TDRD3: variants seen among roughly 807,000 people sequenced by gnomAD.
The protein encoded by TDRD3 is tudor domain-containing protein 3.
In TDRD3, 45 loss-of-function variants were observed where a neutral mutation model predicts 86.7. The ratio of observed to expected loss-of-function variants is 0.52; its 90% CI spans 0.41 to 0.67. TDRD3 has a LOEUF of 0.67. Ranked by LOEUF, TDRD3 falls within the 30% of genes least tolerant of loss-of-function variation. The probability of loss-of-function intolerance (pLI) is 0.00; values close to 1 mark genes in which losing one functional copy is unlikely to be tolerated. For synonymous variants in TDRD3, 298 were observed against 301.7 expected (o/e 0.99, Z 0.13); for missense variants, 814 against 889.0 (o/e 0.92, Z 1.07).
chr13:60,527,579 A>G (rs1039651402), intron 10 of TDRD3, among the ~76,000 whole-genome samples: 6 of 152,254 alleles, frequency 3.9e-5, no homozygotes, highest in Non-Finnish European at 8.8e-5. Flanking sequence ...GAAAGTATAA[A>G]TGACATGGTA....
At chr13:60,545,413 T>C (rs1440478902) in intron 12 of TDRD3, among the ~76,000 whole-genome samples, 2 of 152,188 alleles carry the variant, frequency 1.3e-5, no homozygotes, top group African/African-American at 2.4e-5. Context: ...ATTAGGAAAT[T>C]AGGGTCAACC....
At chr13:60,490,635 A>G (rs1956565708) in intron 7 of TDRD3, among the ~76,000 whole-genome samples, 1 of 152,194 alleles carries the variant, frequency 6.6e-6, no homozygotes, top group African/African-American at 2.4e-5. Flanking sequence ...ACTTGGTTGC[A>G]GAGAAGGAGA....
intron 3 of TDRD3, among the ~76,000 whole-genome samples, chr13:60,458,483 T>C (rs960834516): frequency 2.6e-5 from 4 of 152,192 alleles, no homozygotes; most frequent in Non-Finnish European, 5.9e-5. Context: ...ATGGATTGAA[T>C]AAGGGTGCCA....
At chr13:60,444,156 T>G (rs1357247818) in intron 2 of TDRD3, among the ~76,000 whole-genome samples, 1 of 151,974 alleles carries the variant, frequency 6.6e-6, no homozygotes, top group Non-Finnish European at 1.5e-5. Flanking sequence ...GCAAATGAAA[T>G]TACTATAGTA....
At chr13:60,497,805 C>G (rs185805115) in intron 8 of TDRD3, among the ~76,000 whole-genome samples, 1 of 151,940 alleles carries the variant, frequency 6.6e-6, no homozygotes. Flanking sequence ...ACAGCTTCCC[C>G]ATCCCCAGTA....
intron 12 of TDRD3, chr13:60,537,515 G>A (rs756387404): frequency 9.2e-5 from 14 of 151,806 alleles, no homozygotes; most frequent in Non-Finnish European, 2.1e-4. Flanking sequence ...TTAATGTTGG[G>A]GTCTTTGAGT....
At chr13:60,483,715 A>T (rs1283859330) in intron 5 of TDRD3, 60 bp from the exon 6 acceptor site, 2 of 1,492,756 alleles carry the variant, frequency 1.3e-6, no homozygotes, top group African/African-American at 1.4e-5. Flanking sequence ...TTACATTATA[A>T]ATGCTGGAAA....
At chr13:60,466,052 G>C (rs1049100973) in intron 4 of TDRD3, among the ~76,000 whole-genome samples, 1 of 152,124 alleles carries the variant, frequency 6.6e-6, no homozygotes, top group Non-Finnish European at 1.5e-5. Context: ...CCCCAAATCT[G>C]ATAGCCTACT....
At chr13:60,490,372 T>C (rs959776153) in intron 7 of TDRD3, among the ~76,000 whole-genome samples, 2 of 152,128 alleles carry the variant, frequency 1.3e-5, no homozygotes, top group Non-Finnish European at 2.9e-5. Context: ...GGAAAAGCCA[T>C]GGCAAAGGCT....
intron 1 of TDRD3, among the ~76,000 whole-genome samples, chr13:60,412,029 C>G (rs1954380617): frequency 6.6e-6 from 1 of 152,154 alleles, no homozygotes; most frequent in East Asian, 1.9e-4. Context: ...TTTCTAAGAA[C>G]TTTAATCTGA....
At chr13:60,484,108 A>G (rs546883028) in intron 6 of TDRD3, among the ~76,000 whole-genome samples, 3 of 148,618 alleles carry the variant, frequency 2.0e-5, no homozygotes, top group East Asian at 3.9e-4. Context: ...TTAAAATAGG[A>G]TGGGAGAGGG....
intron 12 of TDRD3, among the ~76,000 whole-genome samples, chr13:60,552,457 A>C (rs1251957736): frequency 6.6e-6 from 1 of 152,228 alleles, no homozygotes; most frequent in Non-Finnish European, 1.5e-5. Context: ...TGCAGGGTGC[A>C]GCCCTTATGA....
At chr13:60,466,840 C>T (rs1332299135) in intron 4 of TDRD3, among the ~76,000 whole-genome samples, 1 of 151,888 alleles carries the variant, frequency 6.6e-6, no homozygotes, top group Non-Finnish European at 1.5e-5. Flanking sequence ...CACTTCCTCT[C>T]TGGTGGTCTA....
intron 1 of TDRD3, among the ~76,000 whole-genome samples, chr13:60,401,943 A>G (rs1954113484): frequency 6.6e-6 from 1 of 152,230 alleles, no homozygotes; most frequent in Non-Finnish European, 1.5e-5. Flanking sequence ...ATAGAAAAAA[A>G]TAAGAAGCAT....
chr13:60,419,747 T>C (rs1448983406), intron 1 of TDRD3, among the ~76,000 whole-genome samples: 2 of 151,908 alleles, frequency 1.3e-5, no homozygotes, highest in African/African-American at 4.8e-5. Flanking sequence ...CATGTATACC[T>C]ATGTAACAAA....
chr13:60,479,408 T>TG (rs980085401), intron 5 of TDRD3, among the ~76,000 whole-genome samples: 10 of 152,230 alleles, frequency 6.6e-5, no homozygotes, highest in African/African-American at 2.2e-4. Context: ...ACTTGCTCTG[T>TG]GGCCAAGCAT....
At chr13:60,472,523 G>A (rs1218311725) in intron 5 of TDRD3, among the ~76,000 whole-genome samples, 1 of 152,136 alleles carries the variant, frequency 6.6e-6, no homozygotes, top group Non-Finnish European at 1.5e-5. Flanking sequence ...AGGTGTTGGC[G>A]AAGATGTGGA....
chr13:60,451,352 G>GC (rs1408088519), intron 3 of TDRD3, among the ~76,000 whole-genome samples: 21 of 152,174 alleles, frequency 1.4e-4, no homozygotes, highest in Non-Finnish European at 2.8e-4. Flanking sequence ...CTGCAGGAGT[G>GC]CCAGAGTAAG....
At chr13:60,433,770 A>G (rs1198432892) in intron 1 of TDRD3, among the ~76,000 whole-genome samples, 1 of 152,210 alleles carries the variant, frequency 6.6e-6, no homozygotes, top group Non-Finnish European at 1.5e-5. Flanking sequence ...TCGTGCAGAC[A>G]TGGCTGCCCC....
Sources: allele counts gnomAD v4.1 joint callset (sites outside exome capture counted in the v4.1 genomes callset), GRCh38; gene constraint gnomAD v4.1.1; transcripts MANE v1.5; gene names NCBI Gene and HGNC (gene_info 2026-07-23, HGNC 2026-07-21).